Variants in NBPF26 observed in about 807,000 individuals in gnomAD.
The protein encoded by NBPF26 is NBPF family member NBPF26.
NBPF26 carries 79 observed loss-of-function variants against 119.6 expected under a neutral mutation model. The ratio of observed to expected loss-of-function variants is 0.66; its 90% confidence interval spans 0.55 to 0.80. The LOEUF (loss-of-function observed/expected upper bound fraction) is 0.80. Ranked by LOEUF, NBPF26 falls within the 30% of genes least tolerant of loss-of-function variation. The pLI, the probability that NBPF26 is intolerant of heterozygous loss-of-function variation, is 0.00. For missense variants in NBPF26, 800 were observed against 1,198.2 expected (o/e 0.67, Z 4.91); for synonymous variants, 299 against 457.7 (o/e 0.65, Z 4.43).
Position 120,727,780 on chromosome 1 carries a change from G to A in NBPF26, c.73+3530G>A, listed in dbSNP as rs1387972329. Among the ~76,000 whole-genome samples, 49 of 117,062 alleles carry A rather than the reference G, an allele frequency of 4.2e-4. 10 individuals are homozygous for A. The highest frequency in any genetic ancestry group is 1.9e-3 in the African/African-American group (38 of 19,888). 76.8% of individuals were successfully genotyped at this position (117,062 alleles called of 152,430 possible). A position where few individuals can be genotyped will look rare whatever the true frequency, so the allele number is the denominator to read the frequency against. On this transcript the variant is annotated intron_variant, in intron 1 of 29. Coordinates refer to ENST00000620612, the Ensembl canonical transcript of NBPF26. ...TTTGAACTATTAATTTTCCTTCCAC[G>A]CTTTCCTGATTTTCCTGTTTTTGTT...
chr1:120,724,465 C>A (rs1308170067), intron 1 of NBPF26, among the ~76,000 whole-genome samples: 4 of 121,348 alleles, frequency 3.3e-5, no homozygotes, highest in Non-Finnish European at 6.5e-5. Flanking sequence ...CCTCTGCTCC[C>A]CGCGGCCCGG....
Position 120,793,424 on chromosome 1 carries a change from C to G in NBPF26, c.679C>G (p.His227Asp). 8 of 1,443,056 alleles carry G rather than the reference C, an allele frequency of 5.5e-6. 2 individuals are homozygous for G. The highest frequency in any genetic ancestry group is 7.4e-6 in the Non-Finnish European group (8 of 1,079,962). 89.4% of individuals were successfully genotyped at this position (1,443,056 alleles called of 1,614,324 possible). The change falls in exon 4 of 30, where the codon CAC (histidine) becomes GAC (aspartate). Residue 227 changes from histidine (H) to aspartate (D), a missense_variant. His to Asp is a moderately conservative substitution (Grantham distance 81). Transcript: ENST00000620612. ...TGACAGACTGTATGTGCCCTGTGCACACTCGCCTTGTGTCAATGGAGGCAC... is the reference window on the plus strand; with the variant it reads ...TGACAGACTGTATGTGCCCTGTGCAGACTCGCCTTGTGTCAATGGAGGCAC...
At chr1:120,778,055 C>T (rs1430118546) in intron 2 of NBPF26, among the ~76,000 whole-genome samples, 2 of 88,716 alleles carry the variant, frequency 2.3e-5, no homozygotes, top group Non-Finnish European at 4.0e-5. Context: ...CTAGCCTTGG[C>T]TGTTAGCAAT....
At position 120,810,929 on chromosome 1, in the gene NBPF26, A is replaced by G. The variant is rs1466011511; in HGVS notation, c.1564+371A>G. Among the ~76,000 whole-genome samples, 58 of 107,508 alleles carry G rather than the reference A, an allele frequency of 5.4e-4. 18 individuals carry two copies. Among genetic ancestry groups the G allele is most frequent in the African/African-American group, 3.1e-3 (56 of 17,852 alleles). The allele number at this position is 107,508 out of a possible 152,430, so 70.5% of individuals were successfully genotyped here. A position where few individuals can be genotyped will look rare whatever the true frequency, so the allele number is the denominator to read the frequency against. ...TCAGGCTAGACTCTCTCTCCTTTTC[A>G]TTGGCTTGTCTTAGCTATTAATAAG... is the stretch of plus-strand genomic sequence containing the variant. On this transcript the variant is annotated intron_variant, in intron 9 of 29. Coordinates refer to ENST00000620612, the Ensembl canonical transcript of NBPF26.
chr1:120,838,512 G>C (rs1178512791), intron 27 of NBPF26, among the ~76,000 whole-genome samples: 6,520 of 51,910 alleles, frequency 0.13, 132 homozygotes, highest in Non-Finnish European at 0.14. Context: ...CTCTCTCTGT[G>C]TGTGTGTGTG....
chr1:120,801,939 A>T (rs1651587735), intron 4 of NBPF26, among the ~76,000 whole-genome samples: 1 of 109,918 alleles, frequency 9.1e-6, no homozygotes, highest in South Asian at 2.7e-4. Context: ...GTTAAATTCC[A>T]GTTCTCCTTT....
intron 2 of NBPF26, among the ~76,000 whole-genome samples, chr1:120,767,740 G>C (rs1651209611): frequency 8.6e-6 from 1 of 116,014 alleles, no homozygotes; most frequent in Non-Finnish European, 1.6e-5. Flanking sequence ...GTTGTTGTTT[G>C]CTTCAGACTT....
intron 22 of NBPF26, among the ~76,000 whole-genome samples, chr1:120,832,435 G>A (rs1652360754): frequency 1.1e-5 from 1 of 94,844 alleles, no homozygotes; most frequent in Non-Finnish European, 1.8e-5. Context: ...GACAAATTCA[G>A]AGAACTATGA....
chr1:120,793,972 C>G, intron 4 of NBPF26: 1 of 332,266 alleles, frequency 3.0e-6, no homozygotes, highest in South Asian at 2.5e-5. Context: ...ATGCACCCAG[C>G]TGCCCTTGAT....
intron 15 of NBPF26, among the ~76,000 whole-genome samples, chr1:120,819,267 T>A (rs1271455742): frequency 8.9e-6 from 1 of 111,972 alleles, no homozygotes; most frequent in Non-Finnish European, 1.7e-5. Flanking sequence ...TTTGTTGGTT[T>A]AAAGTCTGTT....
At position 120,801,943 on chromosome 1, in the gene NBPF26, C is replaced by T. The variant is rs1374728220; in HGVS notation, c.752-3613C>T. Among the ~76,000 whole-genome samples, 6 of 107,690 alleles carry T rather than the reference C, an allele frequency of 5.6e-5. 1 individual carries two copies. In the East Asian group the frequency reaches 1.3e-3, roughly 24 times the overall value. 70.6% of individuals were successfully genotyped at this position (107,690 alleles called of 152,430 possible). A position where few individuals can be genotyped will look rare whatever the true frequency, so the allele number is the denominator to read the frequency against. ...AGATGAAAGAAGTTAAATTCCAGTT[C>T]TCCTTTTTTCAGAAATGAGGTATAG... On this transcript the variant is annotated intron_variant, in intron 4 of 29. Coordinates refer to ENST00000620612, the Ensembl canonical transcript of NBPF26.
chr1:120,759,069 G>C (rs1412859890), intron 1 of NBPF26, among the ~76,000 whole-genome samples: 1 of 95,868 alleles, frequency 1.0e-5, no homozygotes, highest in Non-Finnish European at 1.9e-5. Context: ...AGTTTATTCT[G>C]TATACTACGG....
chr1:120,724,510 C>T lies in NBPF26; in HGVS notation c.73+260C>T, dbSNP rs1650794943. Among the ~76,000 whole-genome samples the T allele has an allele frequency of 1.7e-5, 2 of 120,238 alleles. 1 individual carries two copies. Among genetic ancestry groups the T allele is most frequent in the Non-Finnish European group, 3.3e-5 (2 of 60,986 alleles). 78.9% of individuals were successfully genotyped at this position (120,238 alleles called of 152,430 possible). ...CACGCCTCCTCGGCAGGAGGGAGGC[C>T]GGCAGCAAGTCTCAGAAACTCCTTT... On this transcript the variant is annotated intron_variant, in intron 1 of 29. Transcript: ENST00000620612.
In NBPF26 at chr1:120,823,579, T is replaced by G. The variant is rs1289869164; in HGVS notation, c.2639+219T>G. Among the ~76,000 whole-genome samples the G allele has an allele frequency of 3.4e-5, 4 of 116,512 alleles. 1 individual carries two copies. The highest frequency in any genetic ancestry group is 2.0e-4 in the African/African-American group (4 of 19,826). The allele number at this position is 116,512 out of a possible 152,430, so 76.4% of individuals were successfully genotyped here. A position where few individuals can be genotyped will look rare whatever the true frequency, so the allele number is the denominator to read the frequency against. ...TAACCTAGTGAAAGTTGACCATACC[T>G]CAAAAGCTGTATTCTCATGGTAACT... On this transcript the variant is annotated intron_variant, in intron 17 of 29. Coordinates refer to ENST00000620612, the Ensembl canonical transcript of NBPF26.
rs1651880614 is a variant in NBPF26 at position 120,811,973 on chromosome 1, T to C, written c.1652T>C (p.Leu551Pro). 12 of 1,235,392 alleles carry C rather than the reference T, an allele frequency of 9.7e-6. 3 individuals are homozygous for C. Among genetic ancestry groups the C allele is most frequent in the Non-Finnish European group, 1.2e-5 (11 of 895,618 alleles). 76.5% of individuals were successfully genotyped at this position (1,235,392 alleles called of 1,614,324 possible). A position where few individuals can be genotyped will look rare whatever the true frequency, so the allele number is the denominator to read the frequency against. ...GGCGAGAAGGCAGCGATAAACATTC[T>C]AGAAATCAATGAGAAATTGCGCCCC... The change falls in exon 10 of 30, where the codon CTA (leucine) becomes CCA (proline). Residue 551 changes from leucine to proline, a missense_variant. Leu to Pro is a moderately conservative substitution (Grantham distance 98, BLOSUM62 -3). Around this residue, in one of 13 missense-constraint regions of NBPF26, gnomAD observed 72 missense variants for 81.1 expected, o/e 0.89. Transcript: ENST00000620612.
chr1:120,808,482 C>T, intron 6 of NBPF26, 63 bp from the exon 7 acceptor site: 4 of 1,041,706 alleles, frequency 3.8e-6, no homozygotes, highest in South Asian at 2.6e-5. Flanking sequence ...GTCTCTGTTG[C>T]AATATTTGAA....
chr1:120,752,555 T>TATATATATATA (rs1286857308), intron 1 of NBPF26, among the ~76,000 whole-genome samples: 8 of 6,612 alleles, frequency 1.2e-3, no homozygotes, highest in East Asian at 8.9e-3. Context: ...TATATATATA[T>TATATATATATA]TTTTTTTTTT....
chr1:120,805,775 A>T lies in NBPF26; in HGVS notation c.961+10A>T, dbSNP rs1651667281. The T allele has an allele frequency of 7.3e-7, 1 of 1,366,486 alleles. No homozygotes were observed. Among genetic ancestry groups the T allele is most frequent in the Non-Finnish European group, 1.0e-6 (1 of 1,004,380 alleles). 84.6% of individuals were successfully genotyped at this position (1,366,486 alleles called of 1,614,324 possible). ...CGACAGAAGAAATACAGTAAGATCT[A>T]TAGGCTCACCATCATGAAAGTGATG... On this transcript the variant is annotated intron_variant, in intron 5 of 29. Coordinates refer to ENST00000620612, the Ensembl canonical transcript of NBPF26.
In NBPF26 at chr1:120,724,329, C is replaced by T; in HGVS notation, c.73+79C>T. 10 of 1,360,872 alleles carry T rather than the reference C, an allele frequency of 7.3e-6. 2 individuals carry two copies. The highest frequency in any genetic ancestry group is 9.6e-6 in the Non-Finnish European group (10 of 1,044,392). The allele number at this position is 1,360,872 out of a possible 1,614,324, so 84.3% of individuals were successfully genotyped here. A position where few individuals can be genotyped will look rare whatever the true frequency, so the allele number is the denominator to read the frequency against. On this transcript the variant is annotated intron_variant, in intron 1 of 29. Coordinates refer to ENST00000620612, the Ensembl canonical transcript of NBPF26. ...GCGACCCTTCTCCCCCTCAGTCCTT[C>T]TCTGTGTGGGAAGGCCAGGCTCGGC...
Sources: gnomAD v4.1 joint callset for allele counts (sites outside exome capture counted in the v4.1 genomes callset) on GRCh38, gnomAD v4.1.1 for gene constraint, gnomAD v4.1.1 regional missense constraint, MANE v1.5 for transcripts, NCBI Gene and HGNC (gene_info 2026-07-23, HGNC 2026-07-21) for gene names.